The following MPO variants were observed in gnomAD, a reference collection of about 807,000 sequenced individuals.
MPO encodes the protein myeloperoxidase.
MPO carries 57 observed loss-of-function variants against 69.4 expected under a neutral mutation model. That is an observed-to-expected ratio of 0.82 (90% CI 0.66 to 1.02). The LOEUF (loss-of-function observed/expected upper bound fraction) is 1.02. Among genes scored for constraint, MPO ranks in the 50% least tolerant of loss-of-function variants. MPO has a pLI of 0.00. For synonymous variants in MPO, 426 were observed against 417.1 expected, an observed-to-expected ratio of 1.02 and a Z score of -0.26; for missense variants, 971 against 1,014.1, an observed-to-expected ratio of 0.96 and a Z score of 0.58.
Position 58,275,707 on chromosome 17 carries a change from G to T in MPO, c.1205-5C>A, listed in dbSNP as rs767826969. 19 of 1,613,976 alleles carry T rather than the reference G, an allele frequency of 1.2e-5. No individual in the cohort carries two copies. In the Admixed American group the frequency reaches 3.2e-4, roughly 27 times the overall value. Reference sequence around the variant, plus strand: ...TCTCACTGGAACGGGTGTCCCCTTGGGGAGGCAAAAGCCACTGTCATTCTT... The same window carrying T: ...TCTCACTGGAACGGGTGTCCCCTTGTGGAGGCAAAAGCCACTGTCATTCTT... On this transcript the variant is annotated splice_region_variant and splice_polypyrimidine_tract_variant and intron_variant, in intron 7 of 11. Transcript: ENST00000225275. The surrounding 1 kb of genome is among the most constrained non-coding windows in gnomAD (Gnocchi z 4.1).
Position 58,279,446 on chromosome 17 carries a change from G to C in MPO, c.549-20C>G, listed in dbSNP as rs1365767024. On this transcript the variant is annotated intron_variant, in intron 4 of 11. Coordinates refer to ENST00000225275, the MANE Select transcript of MPO (RefSeq NM_000250.2). Reference sequence around the variant, plus strand: ...CTGCGTCTGCAGGGGAGGACAGGGCGCTGACACCGGGAGGCTTGTGGCGTC... The same window carrying C: ...CTGCGTCTGCAGGGGAGGACAGGGCCCTGACACCGGGAGGCTTGTGGCGTC... 6 of 1,611,332 alleles carry C rather than the reference G, an allele frequency of 3.7e-6. No homozygotes were observed. The highest frequency in any genetic ancestry group is 4.2e-6 in the Non-Finnish European group (5 of 1,179,102).
chr17:58,274,637 T>C (rs994623164), intron 8 of MPO, among the ~76,000 whole-genome samples: 1 of 151,744 alleles, frequency 6.6e-6, no homozygotes, highest in African/African-American at 2.4e-5. Flanking sequence ...CTGGGTAACG[T>C]GGCGAAACCC....
chr17:58,277,577 A>G (rs1412492266), intron 7 of MPO, among the ~76,000 whole-genome samples: 1 of 152,202 alleles, frequency 6.6e-6, no homozygotes, highest in Non-Finnish European at 1.5e-5. Context: ...CAATGGACTG[A>G]TGGACAGAGG....
At position 58,270,211 on chromosome 17, in the gene MPO, T is replaced by G; in HGVS notation, c.*445A>C. The G allele has an allele frequency of 3.2e-6, 1 of 310,190 alleles. No individual in the cohort carries two copies. The highest frequency in any genetic ancestry group is 6.3e-6 in the Non-Finnish European group (1 of 159,018). 19.2% of individuals were successfully genotyped at this position (310,190 alleles called of 1,614,324 possible). ...TAAATGAAGAACCAGAGGATACAAG[T>G]GGGCCCTCCAAGAAACCATGACAGA... On this transcript the variant is annotated 3_prime_UTR_variant, in exon 12 of 12. Transcript: ENST00000225275. This position sits in a 1 kb window ranked among gnomAD's most constrained non-coding sequence, Gnocchi z 4.1.
chr17:58,270,749 GTTC>G lies in MPO; in HGVS notation c.2142_2144del (p.Lys714del), dbSNP rs1567826227. 1 of 1,614,128 alleles carries G rather than the reference GTTC, an allele frequency of 6.2e-7. No homozygotes were observed. Among genetic ancestry groups the G allele is most frequent in the Non-Finnish European group, 8.5e-7 (1 of 1,179,970 alleles). ...GATATGAGTTGGACATGAAGATGTT[GTTC>G]TTAGACACGGTGGTGATGCCTGTGT... On this transcript the variant is annotated inframe_deletion, in exon 12 of 12. Transcript: ENST00000225275. The surrounding 1 kb of genome is among the most constrained non-coding windows in gnomAD (Gnocchi z 4.1).
Position 58,272,826 on chromosome 17 carries a change from A to G in MPO, c.1714T>C (p.Leu572=). ...QIAVDEIRER[L]FEQVMRIGLD... The stretch of plus-strand genomic sequence containing the variant: ...CCAATCCTCATGACCTGCTCAAACA[A>G]TCGCTCCCGGATCTCATCCACTGCA... Residue 572 remains leucine, a synonymous_variant, in exon 10 of 12, where the codon TTG becomes CTG. Coordinates refer to ENST00000225275, the MANE Select transcript of MPO (RefSeq NM_000250.2). 6.2e-7 allele frequency: 1 copy of G among 1,614,126 alleles called. No individual in the cohort carries two copies. Among genetic ancestry groups the G allele is most frequent in the Non-Finnish European group, 8.5e-7 (1 of 1,180,022 alleles).
chr17:58,271,552 A>T, intron 11 of MPO, 103 bp downstream of exon 11: 1 of 1,143,646 alleles, frequency 8.7e-7, no homozygotes, highest in Non-Finnish European at 1.3e-6. Flanking sequence ...AAAATTACTG[A>T]CTCCCTCCAG....
intron 1 of MPO, 36 bp downstream of exon 1, chr17:58,280,569 C>A (rs1355452545): frequency 6.2e-7 from 1 of 1,614,156 alleles, no homozygotes; most frequent in East Asian, 2.2e-5. Flanking sequence ...ACAACCACCC[C>A]AACACACCAT....
In MPO at chr17:58,270,149, C is replaced by T. The variant is rs184661508; in HGVS notation, c.*507G>A. 2.9e-4 allele frequency: 72 copies of T among 247,298 alleles called. 1 individual carries two copies. The East Asian group carries it at 5.6e-3, about 19-fold the overall frequency. The allele number at this position is 247,298 out of a possible 1,614,324, so 15.3% of individuals were successfully genotyped here. ...CTTTCTTGCCTCTATATGCTTCTCA[C>T]GCCTAGTACAGTGCCTTGCATGTAG... On this transcript the variant is annotated 3_prime_UTR_variant, in exon 12 of 12. Transcript: ENST00000225275. The surrounding 1 kb of genome is among the most constrained non-coding windows in gnomAD (Gnocchi z 4.1).
At chr17:58,273,015 C>A in intron 9 of MPO, 97 bp from the exon 10 acceptor site, 1 of 1,474,914 alleles carries the variant, frequency 6.8e-7, no homozygotes. Context: ...CAGGAGGATT[C>A]GAGAAGAGGG....
In MPO at chr17:58,273,553, G is replaced by A. The variant is rs373265197; in HGVS notation, c.1482C>T (p.Phe494=). 1.5e-5 allele frequency: 25 copies of A among 1,614,130 alleles called. No homozygotes were observed. Among genetic ancestry groups the A allele is most frequent in the Non-Finnish European group, 2.0e-5 (24 of 1,180,054 alleles). The change falls in exon 9 of 12, where the codon TTC becomes TTT. Residue 494 remains phenylalanine, a synonymous_variant. Transcript: ENST00000225275. ...TGTGGCCGTAGCGGAAGGCATTGGT[G>A]AAGACGTTGGCGATGCGTGGGTCCA... ...DSVDPRIANV[F]TNAFRYGHTL...
chr17:58,278,708 C>G (rs1970471379), intron 6 of MPO: 1 of 526,214 alleles, frequency 1.9e-6, no homozygotes, highest in Non-Finnish European at 3.4e-6. Context: ...CTCTCCCAAC[C>G]TAACAAAGAG....
Position 58,279,375 on chromosome 17 carries a change from C to CG in MPO, c.599dup (p.Ala201GlyfsTer4), listed in dbSNP as rs1567829608. ...GAGAGAAGCCGTCCTCATACTCCGC[C>CG]GGCAGCCAGCGCACAAAGGCACGGT... is the stretch of plus-strand genomic sequence containing the variant. On this transcript the variant is annotated frameshift_variant, in exon 5 of 12. Transcript: ENST00000225275. LOFTEE classifies it high-confidence loss of function. The CG allele has an allele frequency of 6.3e-7, 1 of 1,599,558 alleles. No individual in the cohort carries two copies. The highest frequency in any genetic ancestry group is 1.1e-5 in the South Asian group (1 of 89,172).
chr17:58,279,689 T>G, intron 3 of MPO, 43 bp from the exon 4 acceptor site: 1 of 1,613,890 alleles, frequency 6.2e-7, no homozygotes, highest in Non-Finnish European at 8.5e-7. Flanking sequence ...CCGCCTCACT[T>G]CCTATCCCAG....
At position 58,271,779 on chromosome 17, in the gene MPO, T is replaced by C; in HGVS notation, c.1906A>G (p.Thr636Ala). The C allele has an allele frequency of 6.2e-7, 1 of 1,614,116 alleles. No homozygotes were observed. Among genetic ancestry groups the C allele is most frequent in the Admixed American group, 1.7e-5 (1 of 60,024 alleles). Residue 636 changes from threonine (T) to alanine (A), a missense_variant, in exon 11 of 12, where the codon ACG becomes GCG. Coordinates refer to ENST00000225275, the MANE Select transcript of MPO (RefSeq NM_000250.2). The stretch of plus-strand genomic sequence containing the variant: ...ATCCAGATGTCGATGTTGTTGGGCG[T>C]GCCATACTGCTCCATCAGTTTCCTC... ...LARKLMEQYG[T>A]PNNIDIWMGG...
At position 58,275,039 on chromosome 17, in the gene MPO, A is replaced by G. The variant is rs1368204919; in HGVS notation, c.1365+503T>C. 6.6e-6 allele frequency among the ~76,000 whole-genome samples: 1 copy of G among 151,536 alleles called. No individual in the cohort carries two copies. The highest frequency in any genetic ancestry group is 2.0e-4 in the East Asian group (1 of 5,094). Reference sequence around the variant, plus strand: ...GCCACCACGCCCGGCTAATTTTTGTATTTTTAGTAGAGATGGGGTTTCACC... The same window carrying G: ...GCCACCACGCCCGGCTAATTTTTGTGTTTTTAGTAGAGATGGGGTTTCACC... On this transcript the variant is annotated intron_variant, in intron 8 of 11. Coordinates refer to ENST00000225275, the MANE Select transcript of MPO (RefSeq NM_000250.2). This position sits in a 1 kb window ranked among gnomAD's most constrained non-coding sequence, Gnocchi z 4.1.
chr17:58,271,189 A>G (rs1316649499), intron 11 of MPO, among the ~76,000 whole-genome samples: 1 of 152,162 alleles, frequency 6.6e-6, no homozygotes, highest in East Asian at 1.9e-4. Flanking sequence ...ACAGGAGTGG[A>G]AGAGAATCTT....
chr17:58,279,250 G>C, intron 5 of MPO, 36 bp from the exon 6 acceptor site: 1 of 1,572,396 alleles, frequency 6.4e-7, no homozygotes, highest in Non-Finnish European at 8.6e-7. Flanking sequence ...GCCTGGGTCC[G>C]CGCACCGCGT....
chr17:58,271,594 C>T, intron 11 of MPO, 61 bp downstream of exon 11: 3 of 1,549,006 alleles, frequency 1.9e-6, no homozygotes, highest in South Asian at 2.2e-5. Context: ...ATTTGGGCTC[C>T]AAGAGAGTCA....
Sources: allele counts gnomAD v4.1 joint callset (sites outside exome capture counted in the v4.1 genomes callset), GRCh38; gene constraint gnomAD v4.1.1; non-coding constraint Gnocchi (gnomAD v3.1); transcripts MANE v1.5; gene names NCBI Gene and HGNC (gene_info 2026-07-23, HGNC 2026-07-21).